The following SEMA4B variants were observed in gnomAD, a reference collection of about 807,000 sequenced individuals.
SEMA4B encodes the protein semaphorin 4B, also known as semaphorin-4B.
A neutral mutation model predicts 88.1 loss-of-function variants in SEMA4B; 55 were observed. The observed-to-expected ratio is 0.62, with a 90% CI of 0.50 to 0.78. SEMA4B has a LOEUF of 0.78. SEMA4B is among the 30% of genes least tolerant of loss of function. The probability of loss-of-function intolerance (pLI) is 0.00; values close to 1 mark genes in which losing one functional copy is unlikely to be tolerated. For missense variants in SEMA4B, 1,062 were observed against 1,111.9 expected, an observed-to-expected ratio of 0.96 and a Z score of 0.64; for synonymous variants, 525 against 473.6, an observed-to-expected ratio of 1.11 and a Z score of -1.41.
rs747232866 is a variant in SEMA4B at position 90,219,785 on chromosome 15, C to T, written c.385-8C>T. ...TGGGACTGATATCCCCTCGCTCCTT[C>T]CCCCCAGCGCGACTGTCAAAACTAC... On this transcript the variant is annotated splice_polypyrimidine_tract_variant and splice_region_variant and intron_variant, in intron 3 of 13. Transcript: ENST00000411539. The T allele has an allele frequency of 1.1e-5, 18 of 1,608,408 alleles. No homozygotes were observed. Among genetic ancestry groups the T allele is most frequent in the Admixed American group, 3.4e-5 (2 of 59,588 alleles).
intron 3 of SEMA4B, among the ~76,000 whole-genome samples, chr15:90,218,195 G>T (rs1430440284): frequency 6.6e-6 from 1 of 152,220 alleles, no homozygotes; most frequent in African/African-American, 2.4e-5. Flanking sequence ...GGTGAGAGTT[G>T]TGTCCCTCTG....
chr15:90,221,837 A>C, intron 7 of SEMA4B, 72 bp downstream of exon 7: 2 of 1,464,702 alleles, frequency 1.4e-6, no homozygotes, highest in Non-Finnish European at 1.9e-6. Context: ...GATCACCCAC[A>C]TCCATGCATG....
intron 1 of SEMA4B, among the ~76,000 whole-genome samples, chr15:90,207,220 C>G (rs1004992365): frequency 6.6e-6 from 1 of 152,182 alleles, no homozygotes; most frequent in Non-Finnish European, 1.5e-5. Context: ...TGCATGGAAG[C>G]TCTATTCTGC....
intron 1 of SEMA4B, among the ~76,000 whole-genome samples, chr15:90,194,568 C>A (rs1249817306): frequency 6.6e-6 from 1 of 152,000 alleles, no homozygotes; most frequent in East Asian, 1.9e-4. Flanking sequence ...TCTGTTCTAA[C>A]CTTGATGGAG....
At chr15:90,196,913 T>G (rs905379716), upstream of SEMA4B, among the ~76,000 whole-genome samples, 18 of 152,370 alleles carry the variant, frequency 1.2e-4, no homozygotes, top group African/African-American at 3.1e-4. Flanking sequence ...ATTAATCCAT[T>G]ACTTCATTAT....
Position 90,223,559 on chromosome 15 carries a change from G to T in SEMA4B, c.862G>T (p.Gly288Cys). The T allele has an allele frequency of 6.3e-7, 1 of 1,582,998 alleles. No homozygotes were observed. The highest frequency in any genetic ancestry group is 8.6e-7 in the Non-Finnish European group (1 of 1,162,048). ...CCAGCCCATCCGACTCTCCCTCCAG[G>T]GCGATGAGGGTGGAGAGCGGGTGCT... Reference protein sequence around the residue: ...IVSRIARICKGDEGGERVLQQ... With the variant: ...IVSRIARICKCDEGGERVLQQ... Residue 288 changes from glycine (G) to cysteine (C), a missense_variant and splice_region_variant, in exon 8 of 14, where the codon GGC becomes TGC. Gly to Cys is a radical substitution (Grantham distance 159). Transcript: ENST00000411539.
chr15:90,227,276 G>T, intron 12 of SEMA4B: 1 of 382,346 alleles, frequency 2.6e-6, no homozygotes, highest in Non-Finnish European at 4.7e-6. Context: ...TGAATTCCTG[G>T]GCTCAAGCGA....
At chr15:90,204,603 A>G (rs539530209) in intron 1 of SEMA4B, among the ~76,000 whole-genome samples, 10 of 152,280 alleles carry the variant, frequency 6.6e-5, no homozygotes, top group Admixed American at 2.0e-4. Flanking sequence ...CGTTGGAACT[A>G]CCATGCAGAG....
Position 90,225,355 on chromosome 15 carries a change from A to G in SEMA4B, c.1479A>G (p.Ser493=), listed in dbSNP as rs1216949960. Residue 493 remains serine, a synonymous_variant, in exon 11 of 14, where the codon TCA becomes TCG. Coordinates refer to ENST00000411539, the MANE Select transcript of SEMA4B (RefSeq NM_198925.4). ...VHIIEELQIF[S]SGQPVQNLLL... is the part of the protein sequence containing the mutation. ...TCATTGAGGAGCTGCAGATCTTCTCATCGGGACAGCCCGTGCAGAATCTGC... is the reference window on the plus strand; with the variant it reads ...TCATTGAGGAGCTGCAGATCTTCTCGTCGGGACAGCCCGTGCAGAATCTGC... 1 of 1,556,076 alleles carries G rather than the reference A, an allele frequency of 6.4e-7. No homozygotes were observed. Among genetic ancestry groups the G allele is most frequent in the African/African-American group, 1.4e-5 (1 of 73,406 alleles).
intron 1 of SEMA4B, among the ~76,000 whole-genome samples, chr15:90,208,620 G>T (rs1485321735): frequency 6.6e-6 from 1 of 152,180 alleles, no homozygotes; most frequent in South Asian, 2.1e-4. Flanking sequence ...TGCACAGTGG[G>T]TCAGTGATCA....
At chr15:90,197,622 A>G (rs1348528459), upstream of SEMA4B, among the ~76,000 whole-genome samples, 6 of 151,754 alleles carry the variant, frequency 4.0e-5, no homozygotes, top group African/African-American at 1.5e-4. Context: ...TATTTTTAGT[A>G]GAGATGGGGT....
Position 90,201,342 on chromosome 15 carries a change from G to T in SEMA4B, c.-237G>T. 8.2e-7 allele frequency: 1 copy of T among 1,222,972 alleles called. No individual in the cohort carries two copies. The highest frequency in any genetic ancestry group is 1.0e-6 in the Non-Finnish European group (1 of 980,896). The allele number at this position is 1,222,972 out of a possible 1,614,324, so 75.8% of individuals were successfully genotyped here. A position where few individuals can be genotyped will look rare whatever the true frequency, so the allele number is the denominator to read the frequency against. On this transcript the variant is annotated 5_prime_UTR_variant, in exon 1 of 14. Transcript: ENST00000411539. Reference sequence around the variant, plus strand: ...CCCGCCCTCCGCCGCTTGCGGGTGAGCTCTGCCCAAGCCGAGGCTGCGGGG... The same window carrying T: ...CCCGCCCTCCGCCGCTTGCGGGTGATCTCTGCCCAAGCCGAGGCTGCGGGG...
Position 90,221,730 on chromosome 15 carries a change from A to G in SEMA4B, c.826A>G (p.Asn276Asp). Reference sequence around the variant, plus strand: ...TGGCCAGGAATTTGAGTTCTTTGAGAACACCATTGTGTCCCGCATTGCCCG... The same window carrying G: ...TGGCCAGGAATTTGAGTTCTTTGAGGACACCATTGTGTCCCGCATTGCCCG... ...ETGQEFEFFE[N>D]TIVSRIARIC... Residue 276 changes from asparagine to aspartate, a missense_variant, in exon 7 of 14, where the codon AAC becomes GAC. Coordinates refer to ENST00000411539, the MANE Select transcript of SEMA4B (RefSeq NM_198925.4). 6.2e-7 allele frequency: 1 copy of G among 1,613,912 alleles called. No homozygotes were observed.
intron 1 of SEMA4B, among the ~76,000 whole-genome samples, chr15:90,211,072 G>A (rs1172945093): frequency 6.6e-6 from 1 of 152,232 alleles, no homozygotes; most frequent in Non-Finnish European, 1.5e-5. Flanking sequence ...AAGAAGTGGA[G>A]ACATCTATAA....
At position 90,185,924 on chromosome 15, in the gene SEMA4B, A is replaced by ATTTTTTTT. The variant is rs398028319; in HGVS notation, c.-122+863_-122+870dup. On this transcript the variant is annotated intron_variant, in intron 1 of 14. Coordinates refer to the SEMA4B transcript ENST00000332496. ...CAGGCCATGGCCGTTTCTTTTGGTGATTTTTTTTTTTTTTTTTTTTTTTTT... is the reference window on the plus strand; with the variant it reads ...CAGGCCATGGCCGTTTCTTTTGGTGATTTTTTTTTTTTTTTTTTTTTTTTTTTTTTTTT... Among the ~76,000 whole-genome samples, 11 of 55,456 alleles carry ATTTTTTTT rather than the reference A, an allele frequency of 2.0e-4. 2 individuals are homozygous for ATTTTTTTT. In the South Asian group the frequency reaches 7.7e-3, roughly 39 times the overall value. The allele number at this position is 55,456 out of a possible 152,430, so 36.4% of individuals were successfully genotyped here. A position where few individuals can be genotyped will look rare whatever the true frequency, so the allele number is the denominator to read the frequency against.
rs746051036 is a variant in SEMA4B at position 90,227,988 on chromosome 15, G to A, written c.1859G>A (p.Arg620Gln). 39 of 1,613,732 alleles carry A rather than the reference G, an allele frequency of 2.4e-5. 1 individual carries two copies. Among genetic ancestry groups the A allele is most frequent in the East Asian group, 2.0e-4 (9 of 44,886 alleles). Residue 620 changes from arginine to glutamine, a missense_variant, in exon 14 of 14, where the codon CGA becomes CAA. Transcript: ENST00000411539. ...ACPLLSNLAT[R>Q]LWLRNGAPVN... ...CCGCTCCTCTCCAACCTGGCGACCC[G>A]ACTCTGGCTACGCAACGGGGCCCCC...
chr15:90,221,329 C>A, intron 5 of SEMA4B, 38 bp from the exon 6 acceptor site: 1 of 1,498,400 alleles, frequency 6.7e-7, no homozygotes, highest in Non-Finnish European at 9.1e-7. Flanking sequence ...AGGGGCCGTG[C>A]TGAGGAGCCC....
Position 90,228,399 on chromosome 15 carries a change from A to G in SEMA4B, c.2270A>G (p.His757Arg), listed in dbSNP as rs1304364941. ...AAGCAGGGGGAATGTGCCAGCGTGC[A>G]CCCCAAGACCTGCCCTGTGGTGCTG... ...FLKQGECASV[H>R]PKTCPVVLPP... Residue 757 changes from histidine (H) to arginine (R), a missense_variant, in exon 14 of 14, where the codon CAC (histidine) becomes CGC (arginine). His to Arg is a conservative substitution (Grantham distance 29, BLOSUM62 0). Coordinates refer to ENST00000411539, the MANE Select transcript of SEMA4B (RefSeq NM_198925.4). 1 of 1,600,128 alleles carries G rather than the reference A, an allele frequency of 6.2e-7. No homozygotes were observed. The highest frequency in any genetic ancestry group is 8.5e-7 in the Non-Finnish European group (1 of 1,173,266).
Position 90,193,859 on chromosome 15 carries a change from G to T in SEMA4B, c.-121-7599G>T, listed in dbSNP as rs765598337. ...TCATAATATTCTTTTTTTTTTTTTGGGTTGGTCGGGGGGACGGAGTTTCAC... is the reference window on the plus strand; with the variant it reads ...TCATAATATTCTTTTTTTTTTTTTGTGTTGGTCGGGGGGACGGAGTTTCAC... On this transcript the variant is annotated intron_variant, in intron 1 of 14. Transcript: ENST00000332496. Among the ~76,000 whole-genome samples the T allele has an allele frequency of 2.0e-3, 305 of 150,158 alleles. 1 individual carries two copies. The highest frequency in any genetic ancestry group is 2.6e-3 in the Non-Finnish European group (179 of 67,624).
Sources: allele counts gnomAD v4.1 joint callset (sites outside exome capture counted in the v4.1 genomes callset), GRCh38; gene constraint gnomAD v4.1.1; transcripts MANE v1.5; gene names NCBI Gene and HGNC (gene_info 2026-07-23, HGNC 2026-07-21).